MYO1A: variants seen among roughly 807,000 people sequenced by gnomAD.
The protein encoded by MYO1A is unconventional myosin-Ia.
In MYO1A, 127 loss-of-function variants were observed where a neutral mutation model predicts 138.5. The ratio of observed to expected loss-of-function variants is 0.92; its 90% CI spans 0.79 to 1.06. MYO1A has a LOEUF of 1.06. MYO1A is among the 50% of genes least tolerant of loss of function. The pLI, the probability that MYO1A is intolerant of heterozygous loss-of-function variation, is 0.00. For missense variants in MYO1A, 1,211 were observed against 1,288.8 expected (o/e 0.94, Z 0.92); for synonymous variants, 477 against 497.5 (o/e 0.96, Z 0.55).
chr12:57,037,280 A>T (rs1267612101), intron 19 of MYO1A, among the ~76,000 whole-genome samples, 189 bp from the exon 20 acceptor site: 5 of 152,240 alleles, frequency 3.3e-5, no homozygotes, highest in Non-Finnish European at 1.5e-5. Flanking sequence ...GCAGGCAGTA[A>T]GCTAGAAGTT....
At chr12:57,041,370 C>T (rs2030850731) in intron 13 of MYO1A, 62 bp downstream of exon 13, 1 of 1,585,274 alleles carries the variant, frequency 6.3e-7, no homozygotes, top group African/African-American at 1.3e-5. Flanking sequence ...CTCACATCCC[C>T]CCTGTGAGCC....
chr12:57,045,003 C>T (rs998517001), intron 8 of MYO1A, among the ~76,000 whole-genome samples: 1 of 152,166 alleles, frequency 6.6e-6, no homozygotes, highest in African/African-American at 2.4e-5. Context: ...GACCCTGACA[C>T]CTCTTCTGAA....
At chr12:57,034,442 G>A (rs1353339281) in intron 22 of MYO1A, among the ~76,000 whole-genome samples, 6 of 148,902 alleles carry the variant, frequency 4.0e-5, no homozygotes, top group Non-Finnish European at 4.5e-5. Context: ...GGAGGCCAAG[G>A]CGAGTGAATC....
Position 57,028,859 on chromosome 12 carries a change from TCTC to T in MYO1A, c.3025_3027del (p.Glu1009del), listed in dbSNP as rs547316446. 317 of 1,613,810 alleles carry T rather than the reference TCTC, an allele frequency of 2.0e-4. No homozygotes were observed. The highest frequency in any genetic ancestry group is 2.5e-4 in the Non-Finnish European group (300 of 1,179,960). On this transcript the variant is annotated inframe_deletion, in exon 28 of 28. Coordinates refer to ENST00000300119, the MANE Select transcript of MYO1A (RefSeq NM_005379.4). ...TGGACGACCTTGACAGCCACACTGT[TCTC>T]CTTGAACCTCACTGAGAACCTGGAG... is the stretch of plus-strand genomic sequence containing the variant.
At chr12:57,034,343 C>A (rs1408297714) in intron 22 of MYO1A, among the ~76,000 whole-genome samples, 1 of 152,186 alleles carries the variant, frequency 6.6e-6, no homozygotes, top group Non-Finnish European at 1.5e-5. Context: ...AGAGTTAATG[C>A]ATGTAAAGAG....
chr12:57,037,186 G>A, intron 19 of MYO1A, 95 bp from the exon 20 acceptor site: 1 of 1,456,584 alleles, frequency 6.9e-7, no homozygotes, highest in Non-Finnish European at 9.5e-7. Context: ...TCCCAGCCAG[G>A]CCTTATTTGA....
chr12:57,030,414 G>A, intron 23 of MYO1A, 98 bp from the exon 24 acceptor site: 1 of 1,015,806 alleles, frequency 9.8e-7, no homozygotes, highest in South Asian at 1.3e-5. Flanking sequence ...TAGGAGAGGA[G>A]AGAGACTGAG....
In MYO1A at chr12:57,043,975, T is replaced by C; in HGVS notation, c.773A>G (p.Glu258Gly). Residue 258 changes from glutamate (E) to glycine (G), a missense_variant, in exon 10 of 28, where the codon GAG becomes GGG. Coordinates refer to ENST00000300119, the MANE Select transcript of MYO1A (RefSeq NM_005379.4). The stretch of plus-strand genomic sequence containing the variant: ...CTCTAGCACTTGTCGAATCTCCTCC[T>C]CCGAGAACCCAATCACTGCCATTGC... Reference protein sequence around the residue: ...QSAMAVIGFSEEEIRQVLEVT... With the variant: ...QSAMAVIGFSGEEIRQVLEVT... 1.2e-6 allele frequency: 2 copies of C among 1,614,032 alleles called. No individual in the cohort carries two copies. The highest frequency in any genetic ancestry group is 1.1e-5 in the South Asian group (1 of 91,062).
intron 27 of MYO1A, 27 bp from the exon 28 acceptor site, chr12:57,028,908 T>A (rs1233033037): frequency 6.2e-7 from 1 of 1,612,920 alleles, no homozygotes; most frequent in South Asian, 1.1e-5. Context: ...AAACCAAGTC[T>A]AGTGCCCATC....
chr12:57,037,898 G>C lies in MYO1A; in HGVS notation c.1932C>G (p.Ser644Arg). Residue 644 changes from serine (S) to arginine (R), a missense_variant, in exon 18 of 28, where the codon AGC becomes AGG. Coordinates refer to ENST00000300119, the MANE Select transcript of MYO1A (RefSeq NM_005379.4). Reference sequence around the variant, plus strand: ...CTCCCCCATTCCAGTGAGGCCAGGTGCTCCGGCTCAGCAATCGGTACCTTT... The same window carrying C: ...CTCCCCCATTCCAGTGAGGCCAGGTCCTCCGGCTCAGCAATCGGTACCTTT... Reference protein sequence around the residue: ...FLERYRLLSRSTWPHWNGGDR... With the variant: ...FLERYRLLSRRTWPHWNGGDR... 6.2e-7 allele frequency: 1 copy of C among 1,614,150 alleles called. No homozygotes were observed. Among genetic ancestry groups the C allele is most frequent in the Non-Finnish European group, 8.5e-7 (1 of 1,180,034 alleles).
intron 14 of MYO1A, 139 bp downstream of exon 14, chr12:57,041,045 T>C (rs1384429814): frequency 1.4e-6 from 1 of 700,834 alleles, no homozygotes; most frequent in Non-Finnish European, 2.6e-6. Context: ...TGGAATGATC[T>C]ACTATGCAAG....
chr12:57,030,486 A>C (rs2030225334), intron 23 of MYO1A, among the ~76,000 whole-genome samples, 170 bp from the exon 24 acceptor site: 1 of 152,140 alleles, frequency 6.6e-6, no homozygotes. Context: ...ATTGAGGAGG[A>C]GTGCGAGAAC....
intron 21 of MYO1A, 55 bp downstream of exon 21, chr12:57,036,717 G>A: frequency 6.3e-7 from 1 of 1,599,468 alleles, no homozygotes; most frequent in Non-Finnish European, 8.6e-7. Flanking sequence ...TAGCCAGCAG[G>A]TGACACAATC....
chr12:57,041,361 T>G, intron 13 of MYO1A, 71 bp downstream of exon 13: 2 of 1,593,828 alleles, frequency 1.3e-6, no homozygotes, highest in Non-Finnish European at 1.7e-6. Context: ...CTCCCCTCCC[T>G]CACATCCCCC....
In MYO1A at chr12:57,029,677, C is replaced by T. The variant is rs543945564; in HGVS notation, c.2724+63G>A. 30 of 1,613,926 alleles carry T rather than the reference C, an allele frequency of 1.9e-5. 1 individual carries two copies. Among genetic ancestry groups the T allele is most frequent in the Middle Eastern group, 3.4e-4 (2 of 5,968 alleles). On this transcript the variant is annotated intron_variant, in intron 25 of 27. Transcript: ENST00000300119. Reference sequence around the variant, plus strand: ...GCGCAAACACAGCCTGCCATCTGCTCTCCAGATGCCAGCCCACAGCTCTGC... The same window carrying T: ...GCGCAAACACAGCCTGCCATCTGCTTTCCAGATGCCAGCCCACAGCTCTGC...
In MYO1A at chr12:57,041,503, G is replaced by A. The variant is rs748613749; in HGVS notation, c.1099-6C>T. ...TTCTTTTCCCCGATGCCCACCTGAA[G>A]AGGAGAGAAAGATAAATCTGAGGAC... is the stretch of plus-strand genomic sequence containing the variant. On this transcript the variant is annotated splice_region_variant and splice_polypyrimidine_tract_variant and intron_variant, in intron 12 of 27. Transcript: ENST00000300119. The A allele has an allele frequency of 6.2e-7, 1 of 1,611,224 alleles. No individual in the cohort carries two copies. Among genetic ancestry groups the A allele is most frequent in the Non-Finnish European group, 8.5e-7 (1 of 1,177,324 alleles).
At position 57,047,074 on chromosome 12, in the gene MYO1A, T is replaced by C. The variant is rs752995739; in HGVS notation, c.464A>G (p.Asn155Ser). 4.2e-5 allele frequency: 67 copies of C among 1,613,986 alleles called. No individual in the cohort carries two copies. Among genetic ancestry groups the C allele is most frequent in the African/African-American group, 6.7e-5 (5 of 74,900 alleles). ...ACATTTACTCACAAATCGGGAGGAA[T>C]TGTTGTTGCGAATGGTCTTGGCATT... is the stretch of plus-strand genomic sequence containing the variant. ...FGNAKTIRNNNSSRFGKYMDI... is the reference protein window; with the variant it reads ...FGNAKTIRNNSSSRFGKYMDI... Residue 155 changes from asparagine to serine, a missense_variant, in exon 6 of 28, where the codon AAT becomes AGT. Coordinates refer to ENST00000300119, the MANE Select transcript of MYO1A (RefSeq NM_005379.4).
intron 11 of MYO1A, 35 bp from the exon 12 acceptor site, chr12:57,043,193 A>G: frequency 6.2e-7 from 1 of 1,614,052 alleles, no homozygotes; most frequent in Non-Finnish European, 8.5e-7. Flanking sequence ...GGGTGGCATC[A>G]CAGAACAGGG....
intron 16 of MYO1A, 44 bp downstream of exon 16, chr12:57,038,764 CT>C: frequency 6.2e-7 from 1 of 1,613,132 alleles, no homozygotes; most frequent in East Asian, 2.2e-5. Context: ...TGACTTCAGT[CT>C]GGGCCTGAGC....
Sources: allele counts gnomAD v4.1 joint callset (sites outside exome capture counted in the v4.1 genomes callset), GRCh38; gene constraint gnomAD v4.1.1; transcripts MANE v1.5; gene names NCBI Gene and HGNC (gene_info 2026-07-23, HGNC 2026-07-21).